ADAM29: variants seen among roughly 807,000 people sequenced by gnomAD.
The protein encoded by ADAM29 is disintegrin and metalloproteinase domain-containing protein 29.
For synonymous variants in ADAM29, 367 were observed against 342.3 expected, an observed-to-expected ratio of 1.07 and a Z score of -0.80; for missense variants, 969 against 1,001.8, an observed-to-expected ratio of 0.97 and a Z score of 0.44.
intron 4 of ADAM29, among the ~76,000 whole-genome samples, chr4:174,964,704 T>C (rs1038394451): frequency 1.3e-5 from 2 of 152,112 alleles, no homozygotes; most frequent in Non-Finnish European, 2.9e-5. Flanking sequence ...ACTGAGTTAA[T>C]GGAATGCAGT....
chr4:174,932,353 CA>C (rs891740044), intron 3 of ADAM29, among the ~76,000 whole-genome samples: 2 of 152,032 alleles, frequency 1.3e-5, no homozygotes, highest in African/African-American at 4.8e-5. Flanking sequence ...AAAGTATAAT[CA>C]GAGAGTAAAG....
intron 3 of ADAM29, among the ~76,000 whole-genome samples, chr4:174,932,651 A>C (rs1264544004): frequency 6.6e-6 from 1 of 152,210 alleles, no homozygotes; most frequent in Non-Finnish European, 1.5e-5. Context: ...AGCATAAGCC[A>C]AGTAAGGATT....
intron 3 of ADAM29, among the ~76,000 whole-genome samples, chr4:174,934,258 A>G (rs80082041): frequency 0.16 from 25,048 of 152,054 alleles, 2,406 homozygotes; most frequent in East Asian, 0.26. Context: ...TCTATTTTTA[A>G]GTATCATTAG....
At chr4:174,937,613 C>T (rs1162701638) in intron 4 of ADAM29, among the ~76,000 whole-genome samples, 1 of 151,962 alleles carries the variant, frequency 6.6e-6, no homozygotes, top group Non-Finnish European at 1.5e-5. Context: ...ATCATATTTC[C>T]TTTCCTCTGA....
intron 2 of ADAM29, among the ~76,000 whole-genome samples, chr4:174,921,781 C>A (rs574802699): frequency 6.6e-6 from 1 of 152,084 alleles, no homozygotes; most frequent in South Asian, 2.1e-4. Context: ...CAGGAAATAC[C>A]TGTGGGAATA....
intron 4 of ADAM29, among the ~76,000 whole-genome samples, chr4:174,940,332 A>C (rs961977358): frequency 5.3e-5 from 8 of 152,174 alleles, no homozygotes; most frequent in Non-Finnish European, 1.0e-4. Context: ...ATTTATGTAG[A>C]TATAACATGA....
At chr4:174,957,518 T>C (rs1347707779) in intron 4 of ADAM29, among the ~76,000 whole-genome samples, 1 of 151,788 alleles carries the variant, frequency 6.6e-6, no homozygotes, top group Non-Finnish European at 1.5e-5. Flanking sequence ...ACTTAGTTGT[T>C]GCACCAGTTT....
At chr4:174,970,439 C>A (rs1746406779) in intron 4 of ADAM29, among the ~76,000 whole-genome samples, 2 of 152,044 alleles carry the variant, frequency 1.3e-5, no homozygotes, top group South Asian at 4.1e-4. Context: ...TGACCTGCTA[C>A]CTCAAACCAC....
At chr4:174,941,457 C>T (rs1378322807) in intron 4 of ADAM29, among the ~76,000 whole-genome samples, 23 of 152,174 alleles carry the variant, frequency 1.5e-4, no homozygotes, top group Admixed American at 1.4e-3. Context: ...TTAATTGACT[C>T]ACAGCTTCAC....
At chr4:174,941,409 G>A (rs1287914317) in intron 4 of ADAM29, among the ~76,000 whole-genome samples, 1 of 152,164 alleles carries the variant, frequency 6.6e-6, no homozygotes, top group Non-Finnish European at 1.5e-5. Flanking sequence ...CTGCTATAAA[G>A]AAGTATGTGA....
At chr4:174,919,894 T>C (rs924384389) in intron 1 of ADAM29, among the ~76,000 whole-genome samples, 1 of 152,194 alleles carries the variant, frequency 6.6e-6, no homozygotes, top group Non-Finnish European at 1.5e-5. Context: ...TACAAGAACA[T>C]GCACATCTGG....
chr4:174,973,794 T>C (rs1045992754), intron 4 of ADAM29, among the ~76,000 whole-genome samples: 1 of 152,206 alleles, frequency 6.6e-6, no homozygotes, highest in African/African-American at 2.4e-5. Context: ...TTCAAGTCAT[T>C]GGGCCACTTT....
chr4:174,923,608 T>A (rs1458577782), intron 2 of ADAM29, among the ~76,000 whole-genome samples: 1 of 147,454 alleles, frequency 6.8e-6, no homozygotes, highest in Non-Finnish European at 1.5e-5. Flanking sequence ...CCACACATAC[T>A]TCCTTTCATT....
At chr4:174,968,020 G>A (rs567612223) in intron 4 of ADAM29, among the ~76,000 whole-genome samples, 10 of 151,714 alleles carry the variant, frequency 6.6e-5, no homozygotes, top group Middle Eastern at 6.8e-3. Flanking sequence ...CATTATACTC[G>A]CTTTATTATT....
intron 4 of ADAM29, among the ~76,000 whole-genome samples, chr4:174,965,998 C>T (rs1055624093): frequency 6.6e-6 from 1 of 152,294 alleles, no homozygotes; most frequent in Middle Eastern, 3.4e-3. Context: ...CCCAGGACCT[C>T]TCGCAGATAC....
At chr4:174,938,021 T>C (rs1326470347) in intron 4 of ADAM29, among the ~76,000 whole-genome samples, 1 of 152,052 alleles carries the variant, frequency 6.6e-6, no homozygotes, top group Non-Finnish European at 1.5e-5. Flanking sequence ...TTAGAGATGA[T>C]GAAAGATTTT....
intron 4 of ADAM29, among the ~76,000 whole-genome samples, chr4:174,967,190 A>T (rs1746203707): frequency 6.6e-6 from 1 of 152,214 alleles, no homozygotes; most frequent in Admixed American, 6.5e-5. Flanking sequence ...TGAAATAGTG[A>T]ATCAAAGGGG....
At chr4:174,971,897 T>A (rs2111103223) in intron 4 of ADAM29, among the ~76,000 whole-genome samples, 1 of 152,340 alleles carries the variant, frequency 6.6e-6, no homozygotes, top group South Asian at 2.1e-4. Context: ...TTTGTTCTTT[T>A]TACTCTACTG....
chr4:174,976,380 C>A lies in ADAM29; in HGVS notation c.855C>A (p.Thr285=), dbSNP rs755329542. ...ENITPRMQHD[T]SHLFTTLGLR... Reference sequence around the variant, plus strand: ...TTACGCCCCGGATGCAACATGACACCTCACATCTTTTCACAACTCTAGGAT... The same window carrying A: ...TTACGCCCCGGATGCAACATGACACATCACATCTTTTCACAACTCTAGGAT... Residue 285 remains threonine, a synonymous_variant, in exon 5 of 5, where the codon ACC becomes ACA. Transcript: ENST00000359240. 6.2e-7 allele frequency: 1 copy of A among 1,600,592 alleles called. No individual in the cohort carries two copies. Among genetic ancestry groups the A allele is most frequent in the Non-Finnish European group, 8.5e-7 (1 of 1,174,806 alleles).
Sources: allele counts gnomAD v4.1 joint callset (sites outside exome capture counted in the v4.1 genomes callset), GRCh38; gene constraint gnomAD v4.1.1; transcripts MANE v1.5; gene names NCBI Gene and HGNC (gene_info 2026-07-23, HGNC 2026-07-21).